USP36: variants seen among roughly 807,000 people sequenced by gnomAD.
USP36 encodes the protein ubiquitin carboxyl-terminal hydrolase 36.
USP36 carries 59 observed loss-of-function variants against 111.5 expected under a neutral mutation model. That is an observed-to-expected ratio of 0.53 (90% CI 0.43 to 0.66). The LOEUF (loss-of-function observed/expected upper bound fraction) is 0.66, where lower values mean the gene tolerates loss of function less well. USP36 is among the 30% of genes least tolerant of loss of function. The pLI is 0.00. For synonymous variants in USP36, 628 were observed against 581.0 expected (o/e 1.08, Z -1.16); for missense variants, 1,488 against 1,468.0 (o/e 1.01, Z -0.22).
At position 78,836,130 on chromosome 17, in the gene USP36, G is replaced by C. The variant is rs771592302; in HGVS notation, c.234C>G (p.Asp78Glu). ...CTGTACCCTGTCTCCTGGCCGGTGG[G>C]TCATCTCCACTCTTGTGGCGACTAG... ...EGASRHKSGD[D>E]PPARRQGSEH... is the part of the protein sequence containing the mutation. Residue 78 changes from aspartate (D) to glutamate (E), a missense_variant, in exon 3 of 21, where the codon GAC (aspartate) becomes GAG (glutamate). Asp to Glu is a conservative substitution (Grantham distance 45). Transcript: ENST00000449938. 3.1e-6 allele frequency: 5 copies of C among 1,613,592 alleles called. No individual in the cohort carries two copies. The highest frequency in any genetic ancestry group is 4.5e-5 in the East Asian group (2 of 44,880).
rs1338957363 is a variant in USP36, at chr17:78,807,161, T to TG, written c.1882dup (p.Gln628ProfsTer34). The TG allele has an allele frequency of 3.1e-6, 5 of 1,614,160 alleles. No homozygotes were observed. The highest frequency in any genetic ancestry group is 1.3e-5 in the African/African-American group (1 of 75,052). On this transcript the variant is annotated frameshift_variant, in exon 14 of 21. Transcript: ENST00000449938. LOFTEE classifies it high-confidence loss of function. ...ATGGGCCGCTCCACTCCTGGGGGTC[T>TG]GGGGGGCCTTGGTGGAGTCGCTGCT...
At chr17:78,806,794 G>A (rs141196869) in intron 14 of USP36, among the ~76,000 whole-genome samples, 165 bp downstream of exon 14, 21 of 152,306 alleles carry the variant, frequency 1.4e-4, no homozygotes, top group Non-Finnish European at 2.6e-4. Flanking sequence ...CAAGATAGCC[G>A]TTCTTTAATT....
Position 78,795,864 on chromosome 17 carries a change from C to G in USP36, c.*2036G>C, listed in dbSNP as rs1017184777. On this transcript the variant is annotated 3_prime_UTR_variant, in exon 21 of 21. Coordinates refer to ENST00000449938, the MANE Select transcript of USP36 (RefSeq NM_001385174.1). The surrounding 1 kb of genome is among the most constrained non-coding windows in gnomAD (Gnocchi z 4.5). ...CTCCCTCCAGCTCCATTCCCAAGCA[C>G]AAAATTCAACAGACCCAGATCCTAA... 1.3e-5 allele frequency: 2 copies of G among 152,378 alleles called. No homozygotes were observed. The highest frequency in any genetic ancestry group is 1.3e-4 in the Admixed American group (2 of 15,304). 9.4% of individuals were successfully genotyped at this position (152,378 alleles called of 1,614,324 possible).
chr17:78,801,178 G>A (rs954968379), intron 17 of USP36, among the ~76,000 whole-genome samples: 3 of 151,824 alleles, frequency 2.0e-5, no homozygotes, highest in Admixed American at 6.6e-5. Flanking sequence ...GGGTTTCACC[G>A]TGTCAGCCAG....
intron 4 of USP36, among the ~76,000 whole-genome samples, chr17:78,832,917 G>C (rs1270993848): frequency 2.0e-5 from 3 of 152,178 alleles, no homozygotes; most frequent in African/African-American, 7.2e-5. Flanking sequence ...CGGAGGCAGA[G>C]GCAGGCAGAT....
At chr17:78,800,756 G>A (rs529537712) in intron 17 of USP36, among the ~76,000 whole-genome samples, 5 of 152,258 alleles carry the variant, frequency 3.3e-5, no homozygotes, top group Admixed American at 6.5e-5. Flanking sequence ...GGCCCCCAGC[G>A]CCTCCTTGCT....
intron 3 of USP36, chr17:78,835,904 G>T: frequency 1.4e-6 from 1 of 730,446 alleles, no homozygotes; most frequent in Non-Finnish European, 2.2e-6. Flanking sequence ...GACCCACCAA[G>T]TACACAGATC....
In USP36 at chr17:78,825,889, G is replaced by A. The variant is rs9913300; in HGVS notation, c.689+1356C>T. On this transcript the variant is annotated intron_variant, in intron 6 of 20. Transcript: ENST00000449938. ...CCTCGGGGGTCACTTCTCCCAGGAA[G>A]CCGCCTCTGGGTGAGGTAATATCCC... Among the ~76,000 whole-genome samples the A allele has an allele frequency of 6.7e-3, 1,016 of 152,308 alleles. 12 individuals are homozygous for A. The highest frequency in any genetic ancestry group is 0.023 in the African/African-American group (947 of 41,568).
At chr17:78,806,102 C>A in intron 15 of USP36, 54 bp downstream of exon 15, 4 of 1,608,302 alleles carry the variant, frequency 2.5e-6, no homozygotes, top group Non-Finnish European at 3.4e-6. Flanking sequence ...GCCAAGCACA[C>A]GCAACCACAG....
intron 6 of USP36, among the ~76,000 whole-genome samples, chr17:78,824,759 T>C (rs902410358): frequency 1.3e-5 from 2 of 152,194 alleles, no homozygotes; most frequent in African/African-American, 2.4e-5. Context: ...TATTAAAAGA[T>C]GGTCATTTTG....
chr17:78,813,407 C>A (rs1035282173), intron 12 of USP36, among the ~76,000 whole-genome samples: 2 of 152,184 alleles, frequency 1.3e-5, no homozygotes, highest in Non-Finnish European at 2.9e-5. Flanking sequence ...TGCAGCAGCA[C>A]CCCCACAAAC....
chr17:78,802,581 G>C (rs1421555930), intron 16 of USP36, 46 bp from the exon 17 acceptor site: 3 of 1,555,618 alleles, frequency 1.9e-6, no homozygotes, highest in Non-Finnish European at 2.6e-6. Flanking sequence ...CAAATTGGAA[G>C]GGGAGCAGGA....
At chr17:78,820,205 C>T (rs921435197) in intron 8 of USP36, among the ~76,000 whole-genome samples, 193 bp from the exon 9 acceptor site, 10 of 152,146 alleles carry the variant, frequency 6.6e-5, no homozygotes, top group Non-Finnish European at 1.0e-4. Flanking sequence ...CCAGGAACAG[C>T]GGCTCACGCC....
At chr17:78,821,847 A>C in intron 7 of USP36, 90 bp downstream of exon 7, 1 of 1,477,160 alleles carries the variant, frequency 6.8e-7, no homozygotes, top group Non-Finnish European at 9.4e-7. Context: ...CAGCGAAGAA[A>C]GAGCCCCAGC....
In USP36 at chr17:78,803,270, G is replaced by C; in HGVS notation, c.2810+115C>G. 8.3e-7 allele frequency: 1 copy of C among 1,204,300 alleles called. No individual in the cohort carries two copies. Among genetic ancestry groups the C allele is most frequent in the Non-Finnish European group, 1.2e-6 (1 of 861,096 alleles). The allele number at this position is 1,204,300 out of a possible 1,614,324, so 74.6% of individuals were successfully genotyped here. ...CATCTGATCACAAATCCACATTTTA[G>C]AAAACCACGCAAGCAGACTACGTTT... On this transcript the variant is annotated intron_variant, in intron 16 of 20. Transcript: ENST00000449938. This position sits in a 1 kb window ranked among gnomAD's most constrained non-coding sequence, Gnocchi z 4.6.
At chr17:78,790,823 A>C (rs138604654), downstream of USP36, among the ~76,000 whole-genome samples, 22 of 152,330 alleles carry the variant, frequency 1.4e-4, no homozygotes, top group East Asian at 4.2e-3. Flanking sequence ...TGATGGTAAG[A>C]AGCTACCTAA....
At position 78,803,370 on chromosome 17, in the gene USP36, T is replaced by C; in HGVS notation, c.2810+15A>G. ...CGTCAGAGGTAGACAGATGCCACTT[T>C]GCTCCTGCCCTTACCTGTGCCGAAG... On this transcript the variant is annotated intron_variant, in intron 16 of 20. Transcript: ENST00000449938. The surrounding 1 kb of genome is among the most constrained non-coding windows in gnomAD (Gnocchi z 4.6). The C allele has an allele frequency of 6.2e-7, 1 of 1,603,604 alleles. No individual in the cohort carries two copies. Among genetic ancestry groups the C allele is most frequent in the Non-Finnish European group, 8.5e-7 (1 of 1,172,480 alleles).
chr17:78,791,359 C>T (rs1363943693), downstream of USP36, among the ~76,000 whole-genome samples: 1 of 151,866 alleles, frequency 6.6e-6, no homozygotes, highest in African/African-American at 2.4e-5. Flanking sequence ...CTCAGGTGAT[C>T]CGCCCCGCCT....
chr17:78,813,253 A>G (rs1316088178), intron 12 of USP36, among the ~76,000 whole-genome samples: 3 of 118,526 alleles, frequency 2.5e-5, no homozygotes, highest in African/African-American at 8.8e-5. Flanking sequence ...TCAGAGTTCA[A>G]TGCACCAGAA....
Sources: allele counts gnomAD v4.1 joint callset (sites outside exome capture counted in the v4.1 genomes callset), GRCh38; gene constraint gnomAD v4.1.1; non-coding constraint Gnocchi (gnomAD v3.1); transcripts MANE v1.5; gene names NCBI Gene and HGNC (gene_info 2026-07-23, HGNC 2026-07-21).